CRPPA: variants seen among roughly 807,000 people sequenced by gnomAD.
CRPPA encodes CDP-L-ribitol pyrophosphorylase A, also known as D-ribitol-5-phosphate cytidylyltransferase.
Under a neutral mutation model 52.0 loss-of-function variants are expected in CRPPA, and 43 were observed. The observed-to-expected ratio is 0.83, with a 90% confidence interval of 0.65 to 1.07. The LOEUF is 1.07. Among genes scored for constraint, CRPPA ranks in the 50% least tolerant of loss-of-function variants. CRPPA has a pLI of 0.00. For missense variants in CRPPA, 629 were observed against 551.7 expected (o/e 1.14, Z -1.40); for synonymous variants, 250 against 203.5 (o/e 1.23, Z -1.94).
chr7:16,257,810 G>T (rs989606994), intron 8 of CRPPA, among the ~76,000 whole-genome samples: 2 of 152,058 alleles, frequency 1.3e-5, no homozygotes, highest in African/African-American at 4.8e-5. Context: ...TTTACTCTCT[G>T]ATAGTCCCCT....
At chr7:16,284,952 G>A (rs1784393485) in intron 5 of CRPPA, among the ~76,000 whole-genome samples, 1 of 152,062 alleles carries the variant, frequency 6.6e-6, no homozygotes, top group South Asian at 2.1e-4. Flanking sequence ...CAATCCCAGA[G>A]TTATTCGAGG....
At chr7:16,397,147 G>A (rs1303215672) in intron 2 of CRPPA, among the ~76,000 whole-genome samples, 3 of 152,260 alleles carry the variant, frequency 2.0e-5, no homozygotes, top group Non-Finnish European at 4.4e-5. Flanking sequence ...ATGCGTGTCT[G>A]ACACATTAGC....
intron 4 of CRPPA, among the ~76,000 whole-genome samples, chr7:16,301,754 AAAC>A (rs959802111): frequency 6.6e-6 from 1 of 152,248 alleles, no homozygotes; most frequent in Non-Finnish European, 1.5e-5. Context: ...GGTAGCATTT[AAAC>A]AACAGTATTA....
chr7:16,359,004 T>C (rs896824322), intron 3 of CRPPA, among the ~76,000 whole-genome samples: 2 of 152,246 alleles, frequency 1.3e-5, no homozygotes, highest in Non-Finnish European at 2.9e-5. Flanking sequence ...TTGAAGGGCA[T>C]GTAATTTTGT....
chr7:16,284,889 G>GA (rs1319501293), intron 5 of CRPPA, among the ~76,000 whole-genome samples: 2 of 152,014 alleles, frequency 1.3e-5, no homozygotes, highest in Non-Finnish European at 2.9e-5. Context: ...GTTCAGAATA[G>GA]AAAAAATATA....
At chr7:16,398,112 G>A (rs1787663180) in intron 2 of CRPPA, among the ~76,000 whole-genome samples, 1 of 151,798 alleles carries the variant, frequency 6.6e-6, no homozygotes, top group East Asian at 2.0e-4. Flanking sequence ...ATGACTGACA[G>A]GTGATTGACA....
At chr7:16,188,323 G>A (rs1781545379) in intron 9 of CRPPA, among the ~76,000 whole-genome samples, 2 of 152,054 alleles carry the variant, frequency 1.3e-5, no homozygotes, top group Admixed American at 6.6e-5. Flanking sequence ...AATGTATGGT[G>A]TGAGCAAAGA....
intron 1 of CRPPA, among the ~76,000 whole-genome samples, chr7:16,416,900 C>T (rs565798850): frequency 2.2e-4 from 34 of 152,198 alleles, no homozygotes; most frequent in African/African-American, 7.7e-4. Flanking sequence ...ACAGTTTTTG[C>T]ACTCTCAAGC....
chr7:16,178,663 C>T (rs1318243045), intron 9 of CRPPA, among the ~76,000 whole-genome samples: 1 of 151,996 alleles, frequency 6.6e-6, no homozygotes, highest in Admixed American at 6.6e-5. Flanking sequence ...CTATCAGTGA[C>T]TTATTTTTAT....
chr7:16,396,415 A>AT lies in CRPPA; in HGVS notation c.534+9645_534+9646insA, dbSNP rs1440501798. 2.6e-5 allele frequency among the ~76,000 whole-genome samples: 4 copies of AT among 152,334 alleles called. No homozygotes were observed. The East Asian group carries it at 7.7e-4, about 29-fold the overall frequency. On this transcript the variant is annotated intron_variant, in intron 2 of 9. Coordinates refer to ENST00000407010, the MANE Select transcript of CRPPA (RefSeq NM_001101426.4). Reference sequence around the variant, plus strand: ...TGGTCAAAACCAAAACCTAAAAAAAACAGTAGATGTTGGTGTGGATATGCT... The same window carrying AT: ...TGGTCAAAACCAAAACCTAAAAAAAATCAGTAGATGTTGGTGTGGATATGCT...
At chr7:16,134,873 G>A (rs1184267602) in intron 9 of CRPPA, among the ~76,000 whole-genome samples, 1 of 152,108 alleles carries the variant, frequency 6.6e-6, no homozygotes, top group Non-Finnish European at 1.5e-5. Context: ...TAAAGCAAAG[G>A]TAGTGTGAAA....
chr7:16,413,067 A>G (rs1180674980), intron 1 of CRPPA, among the ~76,000 whole-genome samples: 2 of 152,166 alleles, frequency 1.3e-5, no homozygotes, highest in African/African-American at 4.8e-5. Flanking sequence ...GCAAGGGGAC[A>G]GTGGCAGCTG....
At chr7:16,201,933 G>T (rs774074650) in intron 9 of CRPPA, among the ~76,000 whole-genome samples, 1 of 152,080 alleles carries the variant, frequency 6.6e-6, no homozygotes, top group African/African-American at 2.4e-5. Flanking sequence ...TGGTGATTAT[G>T]GCCATTCTTT....
At chr7:16,346,761 C>T (rs1398867541) in intron 3 of CRPPA, among the ~76,000 whole-genome samples, 1 of 152,100 alleles carries the variant, frequency 6.6e-6, no homozygotes, top group African/African-American at 2.4e-5. Context: ...GCAGTGTGCA[C>T]ATTCCATGCC....
At chr7:16,298,267 C>T (rs2128422146) in intron 5 of CRPPA, among the ~76,000 whole-genome samples, 1 of 152,156 alleles carries the variant, frequency 6.6e-6, no homozygotes, top group East Asian at 1.9e-4. Flanking sequence ...CAAATTATTC[C>T]AAATTCTAAG....
At chr7:16,149,881 G>A (rs950988544) in intron 9 of CRPPA, among the ~76,000 whole-genome samples, 2 of 151,856 alleles carry the variant, frequency 1.3e-5, no homozygotes, top group African/African-American at 4.8e-5. Context: ...AACTACTCGG[G>A]AGGCTGAGGC....
chr7:16,318,627 C>G (rs1044833705), intron 3 of CRPPA, among the ~76,000 whole-genome samples: 3 of 152,124 alleles, frequency 2.0e-5, no homozygotes, highest in Non-Finnish European at 4.4e-5. Context: ...AGCTCTGCTC[C>G]TTGGGTTTAC....
chr7:16,106,833 C>G (rs540938665), intron 9 of CRPPA, among the ~76,000 whole-genome samples: 1 of 152,040 alleles, frequency 6.6e-6, no homozygotes, highest in East Asian at 1.9e-4. Flanking sequence ...GAAGAGAATT[C>G]AGAATAATAC....
intron 2 of CRPPA, among the ~76,000 whole-genome samples, chr7:16,388,115 C>A (rs916873897): frequency 1.3e-5 from 2 of 152,166 alleles, no homozygotes; most frequent in African/African-American, 4.8e-5. Context: ...TCCCAAGTAG[C>A]TGGGACTACA....
Sources: allele counts gnomAD v4.1 joint callset (sites outside exome capture counted in the v4.1 genomes callset), GRCh38; gene constraint gnomAD v4.1.1; transcripts MANE v1.5; gene names NCBI Gene and HGNC (gene_info 2026-07-23, HGNC 2026-07-21).